Variants in RPRD2 observed in about 807,000 individuals in gnomAD.
The protein encoded by RPRD2 is regulation of nuclear pre-mRNA domain containing 2.
Under a neutral mutation model 104.4 loss-of-function variants are expected in RPRD2, and 12 were observed. The observed-to-expected ratio is 0.11, with a 90% CI of 0.07 to 0.19. The LOEUF is 0.19. Among genes scored for constraint, RPRD2 ranks in the 10% least tolerant of loss-of-function variants. RPRD2 has a pLI of 1.00. For missense variants in RPRD2, 1,543 were observed against 1,790.1 expected, an observed-to-expected ratio of 0.86 and a Z score of 2.49; for synonymous variants, 714 against 684.9, an observed-to-expected ratio of 1.04 and a Z score of -0.66.
intron 2 of RPRD2, among the ~76,000 whole-genome samples, chr1:150,438,374 C>A (rs1465644294): frequency 6.6e-6 from 1 of 151,868 alleles, no homozygotes; most frequent in Non-Finnish European, 1.5e-5. Context: ...ACCTGTAATC[C>A]CAGCACTTTG....
In RPRD2 at chr1:150,417,428, C is replaced by A. The variant is rs187680115; in HGVS notation, c.206-168C>A. On this transcript the variant is annotated intron_variant, in intron 1 of 10. Transcript: ENST00000369068. Reference sequence around the variant, plus strand: ...TCCATTAGTTCATTTGTCGGTTTATCCATCCATCCTTCCTCCCTTCCATCC... The same window carrying A: ...TCCATTAGTTCATTTGTCGGTTTATACATCCATCCTTCCTCCCTTCCATCC... 2.0e-3 allele frequency among the ~76,000 whole-genome samples: 303 copies of A among 152,082 alleles called. 1 individual carries two copies. The highest frequency in any genetic ancestry group is 7.1e-3 in the African/African-American group (295 of 41,518).
intron 7 of RPRD2, among the ~76,000 whole-genome samples, chr1:150,447,996 C>A (rs587604217): frequency 8.5e-5 from 13 of 152,218 alleles, no homozygotes; most frequent in African/African-American, 3.1e-4. Context: ...TGTTGTGTAA[C>A]TGTTTTAAAT....
At chr1:150,444,645 G>T (rs782446282) in intron 6 of RPRD2, among the ~76,000 whole-genome samples, 3 of 152,126 alleles carry the variant, frequency 2.0e-5, no homozygotes, top group South Asian at 4.1e-4. Flanking sequence ...GCTCTTTAAT[G>T]AAGTCACTCT....
chr1:150,443,819 T>TA (rs781874358), intron 5 of RPRD2, among the ~76,000 whole-genome samples: 68 of 150,442 alleles, frequency 4.5e-4, no homozygotes, highest in Non-Finnish European at 8.7e-4. Flanking sequence ...TCCTGGCTAA[T>TA]ACGGTGAAAC....
chr1:150,379,795 C>T (rs928855375), intron 1 of RPRD2, among the ~76,000 whole-genome samples: 7 of 152,222 alleles, frequency 4.6e-5, no homozygotes, highest in Non-Finnish European at 1.0e-4. Flanking sequence ...CTTGGCCTCC[C>T]TAAGTACTGG....
At chr1:150,423,555 T>C (rs1553890082) in intron 2 of RPRD2, among the ~76,000 whole-genome samples, 1 of 152,164 alleles carries the variant, frequency 6.6e-6, no homozygotes, top group Admixed American at 6.6e-5. Context: ...TATAGAGAAT[T>C]ATATGCATGA....
chr1:150,460,159 C>CA lies in RPRD2; in HGVS notation c.1254dup (p.Val419SerfsTer32). 1 of 1,613,974 alleles carries CA rather than the reference C, an allele frequency of 6.2e-7. No individual in the cohort carries two copies. The highest frequency in any genetic ancestry group is 8.5e-7 in the Non-Finnish European group (1 of 1,179,860). ...ATCTCAAAGGCCTCTTCATGTACCC[C>CA]AGTGCCTGTGACCATGACAGCAACT... On this transcript the variant is annotated frameshift_variant, in exon 9 of 11. Coordinates refer to ENST00000369068, the MANE Select transcript of RPRD2 (RefSeq NM_015203.5). LOFTEE classifies it high-confidence loss of function.
At position 150,443,212 on chromosome 1, in the gene RPRD2, TTTTG is replaced by T; in HGVS notation, c.515-15_515-12del. 1.3e-6 allele frequency: 2 copies of T among 1,561,816 alleles called. No individual in the cohort carries two copies. Among genetic ancestry groups the T allele is most frequent in the Non-Finnish European group, 1.7e-6 (2 of 1,150,564 alleles). On this transcript the variant is annotated splice_polypyrimidine_tract_variant and intron_variant, in intron 4 of 10. Transcript: ENST00000369068. ...TTTTGTGTCTGTATTCTTAATGACC[TTTTG>T]TTTAATTCCAACAGCATCTACAAAT...
chr1:150,457,802 G>A (rs1433484427), intron 8 of RPRD2, among the ~76,000 whole-genome samples: 2 of 152,192 alleles, frequency 1.3e-5, no homozygotes, highest in Non-Finnish European at 2.9e-5. Flanking sequence ...CATGGGCGGT[G>A]GCTCATGCCT....
At chr1:150,458,806 G>C (rs1482785567) in intron 8 of RPRD2, among the ~76,000 whole-genome samples, 1 of 151,902 alleles carries the variant, frequency 6.6e-6, no homozygotes, top group African/African-American at 2.4e-5. Flanking sequence ...ACCACACCCG[G>C]CTATTTTTTG....
At chr1:150,370,038 T>A (rs1217978760) in intron 1 of RPRD2, among the ~76,000 whole-genome samples, 5 of 152,060 alleles carry the variant, frequency 3.3e-5, no homozygotes, top group African/African-American at 1.2e-4. Flanking sequence ...CACCTCAGCC[T>A]CCCAAAGTGC....
intron 1 of RPRD2, among the ~76,000 whole-genome samples, chr1:150,393,477 A>AC (rs1370124872): frequency 6.7e-6 from 1 of 149,844 alleles, no homozygotes; most frequent in African/African-American, 2.5e-5. Flanking sequence ...AAAAAAAAAA[A>AC]CCAATAAAAA....
intron 1 of RPRD2, among the ~76,000 whole-genome samples, chr1:150,378,624 GA>G (rs1282361172): frequency 6.6e-6 from 1 of 152,004 alleles, no homozygotes; most frequent in Non-Finnish European, 1.5e-5. Flanking sequence ...TTGCAAAAAT[GA>G]AAAACAATTT....
intron 1 of RPRD2, among the ~76,000 whole-genome samples, chr1:150,381,771 T>C (rs2102133713): frequency 6.6e-6 from 1 of 152,260 alleles, no homozygotes; most frequent in Non-Finnish European, 1.5e-5. Context: ...CCCAAAGTGC[T>C]GGGATTACAG....
In RPRD2 at chr1:150,422,364, T is replaced by TAATAATAATAATAATAAA. The variant is rs1434288648; in HGVS notation, c.335+4644_335+4645insTAATAATAATAAAAATAA. Among the ~76,000 whole-genome samples, 3 of 97,810 alleles carry TAATAATAATAATAATAAA rather than the reference T, an allele frequency of 3.1e-5. No individual in the cohort carries two copies. In the East Asian group the frequency reaches 6.4e-4, roughly 21 times the overall value. The allele number at this position is 97,810 out of a possible 152,430, so 64.2% of individuals were successfully genotyped here. ...AAAATAATAATAATAATAATAATAA[T>TAATAATAATAATAATAAA]AATAAATAAAATTAAAATAAAAAAA... is the stretch of plus-strand genomic sequence containing the variant. On this transcript the variant is annotated intron_variant, in intron 2 of 10. Coordinates refer to ENST00000369068, the MANE Select transcript of RPRD2 (RefSeq NM_015203.5).
chr1:150,375,803 T>C lies in RPRD2; in HGVS notation c.205+10884T>C, dbSNP rs114525896. Among the ~76,000 whole-genome samples, 865 of 152,304 alleles carry C rather than the reference T, an allele frequency of 5.7e-3. 17 individuals are homozygous for C. The highest frequency in any genetic ancestry group is 0.02 in the African/African-American group (825 of 41,564). On this transcript the variant is annotated intron_variant, in intron 1 of 10. Coordinates refer to ENST00000369068, the MANE Select transcript of RPRD2 (RefSeq NM_015203.5). ...TAAAATTTCAATTGAGAATTAAGGA[T>C]ACATGAGGTTTAATTTGTTGAAGGA... is the stretch of plus-strand genomic sequence containing the variant.
chr1:150,384,450 C>CATTATT (rs60436957), intron 1 of RPRD2, among the ~76,000 whole-genome samples: 2,848 of 132,246 alleles, frequency 0.022, 49 homozygotes, highest in East Asian at 0.059. Flanking sequence ...GCATCATCAT[C>CATTATT]ATTATTATTA....
At chr1:150,429,402 TG>T (rs1665399992) in intron 2 of RPRD2, among the ~76,000 whole-genome samples, 2 of 152,098 alleles carry the variant, frequency 1.3e-5, no homozygotes, top group Non-Finnish European at 2.9e-5. Flanking sequence ...CCTCTCAGGC[TG>T]GAGTACAGTG....
intron 2 of RPRD2, among the ~76,000 whole-genome samples, chr1:150,420,959 GT>G (rs1229617458): frequency 1.3e-5 from 2 of 152,206 alleles, no homozygotes; most frequent in Admixed American, 6.5e-5. Context: ...TAGTTAAGTA[GT>G]TTAGGCTTTT....
Sources: allele counts gnomAD v4.1 joint callset (sites outside exome capture counted in the v4.1 genomes callset), GRCh38; gene constraint gnomAD v4.1.1; transcripts MANE v1.5; gene names NCBI Gene and HGNC (gene_info 2026-07-23, HGNC 2026-07-21).